Variants in ARHGAP26 observed in about 807,000 individuals in gnomAD.
ARHGAP26 encodes the protein rho GTPase-activating protein 26.
Under a neutral mutation model 104.8 loss-of-function variants are expected in ARHGAP26, and 38 were observed. That is an observed-to-expected ratio of 0.36 (90% confidence interval 0.28 to 0.48). ARHGAP26 has a LOEUF of 0.48. ARHGAP26 is among the 20% of genes least tolerant of loss of function. ARHGAP26 has a pLI of 0.99. For synonymous variants in ARHGAP26, 341 were observed against 340.0 expected, an observed-to-expected ratio of 1.00 and a Z score of -0.03; for missense variants, 704 against 947.9, an observed-to-expected ratio of 0.74 and a Z score of 3.38.
chr5:142,919,489 C>T (rs539260637), intron 10 of ARHGAP26: 7 of 398,020 alleles, frequency 1.8e-5, no homozygotes, highest in South Asian at 1.4e-4. Flanking sequence ...AGGAAATGAA[C>T]GCAGTTTGAA....
intron 1 of ARHGAP26, among the ~76,000 whole-genome samples, chr5:142,864,092 G>A (rs1224681836): frequency 6.6e-6 from 1 of 152,014 alleles, no homozygotes; most frequent in Non-Finnish European, 1.5e-5. Context: ...GGTCTGACTT[G>A]TGTGGTCTCC....
intron 12 of ARHGAP26, chr5:143,014,492 T>C (rs951648718): frequency 9.4e-6 from 2 of 213,448 alleles, no homozygotes; most frequent in African/African-American, 4.6e-5. Context: ...AAAGCCAAAG[T>C]TGCTGTTGCC....
chr5:142,976,678 T>C (rs1773144660), intron 11 of ARHGAP26, among the ~76,000 whole-genome samples: 1 of 152,170 alleles, frequency 6.6e-6, no homozygotes, highest in Non-Finnish European at 1.5e-5. Flanking sequence ...AAAATACAAA[T>C]TGAGACTTTA....
At chr5:142,911,665 C>A (rs1056826497) in intron 9 of ARHGAP26, among the ~76,000 whole-genome samples, 1 of 152,172 alleles carries the variant, frequency 6.6e-6, no homozygotes, top group Non-Finnish European at 1.5e-5. Flanking sequence ...AATCTTCCTC[C>A]TCTTTCTGCA....
At chr5:143,099,318 C>T (rs1792880585) in intron 17 of ARHGAP26, among the ~76,000 whole-genome samples, 1 of 152,020 alleles carries the variant, frequency 6.6e-6, no homozygotes, top group South Asian at 2.1e-4. Flanking sequence ...AGGTGGGGGG[C>T]ACAGGTAGAG....
intron 17 of ARHGAP26, among the ~76,000 whole-genome samples, chr5:143,070,086 T>G (rs1320450535): frequency 6.6e-6 from 1 of 152,212 alleles, no homozygotes; most frequent in Non-Finnish European, 1.5e-5. Context: ...AAACCTGTTT[T>G]TTTTAAGTCA....
At chr5:143,121,978 T>A (rs1796193512) in intron 18 of ARHGAP26, among the ~76,000 whole-genome samples, 1 of 152,184 alleles carries the variant, frequency 6.6e-6, no homozygotes, top group Admixed American at 6.5e-5. Context: ...GCACAATAAA[T>A]CCAGAATCTG....
At chr5:143,115,218 A>T (rs55674118) in intron 17 of ARHGAP26, among the ~76,000 whole-genome samples, 8,807 of 151,962 alleles carry the variant, frequency 0.058, 353 homozygotes, top group Non-Finnish European at 0.087. Flanking sequence ...CTGTAATCCC[A>T]GCTACTCCGG....
At chr5:143,151,918 C>T (rs768578435) in intron 20 of ARHGAP26, among the ~76,000 whole-genome samples, 1 of 151,914 alleles carries the variant, frequency 6.6e-6, no homozygotes, top group East Asian at 1.9e-4. Context: ...ATCGTGCCAC[C>T]GCACTCCAGC....
At chr5:142,884,474 T>C (rs563981272) in intron 4 of ARHGAP26, among the ~76,000 whole-genome samples, 1 of 152,360 alleles carries the variant, frequency 6.6e-6, no homozygotes, top group East Asian at 1.9e-4. Flanking sequence ...AAAATAACTG[T>C]TACCCCATTA....
At chr5:143,167,308 A>T (rs34698486) in intron 20 of ARHGAP26, among the ~76,000 whole-genome samples, 3 of 47,020 alleles carry the variant, frequency 6.4e-5, no homozygotes, top group Admixed American at 1.8e-4. Context: ...TCTCTACTTT[A>T]AAAAAAAAAA....
rs1331060147 is a variant in ARHGAP26, at chr5:143,226,238, T to C, written c.*3792T>C. 5.6e-6 allele frequency: 1 copy of C among 178,516 alleles called. No individual in the cohort carries two copies. Among genetic ancestry groups the C allele is most frequent in the Admixed American group, 6.3e-5 (1 of 15,848 alleles). 11.1% of individuals were successfully genotyped at this position (178,516 alleles called of 1,614,324 possible). A position where few individuals can be genotyped will look rare whatever the true frequency, so the allele number is the denominator to read the frequency against. On this transcript the variant is annotated 3_prime_UTR_variant, in exon 23 of 23. Transcript: ENST00000645722. ...GGCTCACGCCTATAATCCCAGCACT[T>C]TGGGAGGCCGAGGCGGGCGGATCAC...
intron 14 of ARHGAP26, among the ~76,000 whole-genome samples, chr5:143,043,710 A>G (rs1415633765): frequency 6.6e-6 from 1 of 152,202 alleles, no homozygotes. Context: ...GCTGCTTAGA[A>G]CAGATGTCAG....
rs1277451569 is a variant in ARHGAP26, at chr5:142,890,148, AAAAATATATATATATATATATAT to A, written c.487-4088_487-4066del. ...CGAAACTCCGTCTTAAAAAAAAAAAAAAAATATATATATATATATATATATATATATATATATATATATATATA... is the reference window on the plus strand; with the variant it reads ...CGAAACTCCGTCTTAAAAAAAAAAAAATATATATATATATATATATATATA... On this transcript the variant is annotated intron_variant, in intron 5 of 22. Coordinates refer to ENST00000645722, the MANE Select transcript of ARHGAP26 (RefSeq NM_001135608.3). 1.4e-4 allele frequency among the ~76,000 whole-genome samples: 12 copies of A among 83,274 alleles called. 1 individual carries two copies. The highest frequency in any genetic ancestry group is 6.1e-4 in the African/African-American group (11 of 18,130). The allele number at this position is 83,274 out of a possible 152,430, so 54.6% of individuals were successfully genotyped here. A position where few individuals can be genotyped will look rare whatever the true frequency, so the allele number is the denominator to read the frequency against.
At chr5:142,813,054 T>C (rs539726175) in intron 1 of ARHGAP26, among the ~76,000 whole-genome samples, 51 of 151,276 alleles carry the variant, frequency 3.4e-4, no homozygotes, top group Admixed American at 1.7e-3. Flanking sequence ...TCTCCTGCCT[T>C]AGCCTCCTGA....
At chr5:142,910,020 A>G (rs183828157) in intron 9 of ARHGAP26, among the ~76,000 whole-genome samples, 1 of 152,368 alleles carries the variant, frequency 6.6e-6, no homozygotes, top group East Asian at 1.9e-4. Context: ...GAAGAGGTTT[A>G]TGTGAATTAG....
intron 21 of ARHGAP26, among the ~76,000 whole-genome samples, chr5:143,212,248 T>C (rs1328925650): frequency 6.6e-6 from 1 of 151,914 alleles, no homozygotes; most frequent in African/African-American, 2.4e-5. Flanking sequence ...TCACCTTCAA[T>C]GTCAGTGTCA....
At chr5:143,060,787 G>A (rs1786589371) in intron 17 of ARHGAP26, among the ~76,000 whole-genome samples, 1 of 151,948 alleles carries the variant, frequency 6.6e-6, no homozygotes, top group Non-Finnish European at 1.5e-5. Flanking sequence ...GATTTATTTT[G>A]CAGGTAATTA....
intron 12 of ARHGAP26, among the ~76,000 whole-genome samples, chr5:143,032,869 A>G (rs1254394114): frequency 6.6e-6 from 1 of 152,188 alleles, no homozygotes; most frequent in Admixed American, 6.5e-5. Flanking sequence ...AAAAGAAGAG[A>G]CAAAGAGAGA....
Sources: allele counts gnomAD v4.1 joint callset (sites outside exome capture counted in the v4.1 genomes callset), GRCh38; gene constraint gnomAD v4.1.1; transcripts MANE v1.5; gene names NCBI Gene and HGNC (gene_info 2026-07-23, HGNC 2026-07-21).